The following NAV3 variants were observed in gnomAD, a reference collection of about 807,000 sequenced individuals.
The protein encoded by NAV3 is pore membrane and/or filament interacting like protein 1.
In NAV3, 87 loss-of-function variants were observed where a neutral mutation model predicts 244.7. The observed-to-expected ratio is 0.36, with a 90% confidence interval of 0.30 to 0.42. The LOEUF (loss-of-function observed/expected upper bound fraction) is 0.42. Ranked by LOEUF, NAV3 falls within the 20% of genes least tolerant of loss-of-function variation. The probability of loss-of-function intolerance (pLI) is 1.00; values close to 1 mark genes in which losing one functional copy is unlikely to be tolerated. For synonymous variants in NAV3, 1,126 were observed against 1,042.2 expected (o/e 1.08, Z -1.55); for missense variants, 2,663 against 2,893.3 (o/e 0.92, Z 1.83).
chr12:78,187,464 C>T lies in NAV3; in HGVS notation c.5791-784C>T, dbSNP rs371989544. 2.6e-5 allele frequency among the ~76,000 whole-genome samples: 4 copies of T among 151,772 alleles called. No homozygotes were observed. In the East Asian group the frequency reaches 5.8e-4, roughly 22 times the overall value. On this transcript the variant is annotated intron_variant, in intron 31 of 39. Transcript: ENST00000397909. ...GAATCATAATCACTATTTCGTTAAC[C>T]ATTTCTGGTCATCATAATAGAGGCT...
intron 12 of NAV3, among the ~76,000 whole-genome samples, chr12:78,106,345 A>G (rs1035515100): frequency 6.6e-6 from 1 of 152,228 alleles, no homozygotes; most frequent in Non-Finnish European, 1.5e-5. Flanking sequence ...TTGAACAATA[A>G]AGTATTTAGG....
At chr12:77,891,953 G>A (rs1233600987) in intron 1 of NAV3, among the ~76,000 whole-genome samples, 1 of 152,162 alleles carries the variant, frequency 6.6e-6, no homozygotes, top group African/African-American at 2.4e-5. Flanking sequence ...CACTGGTCTA[G>A]TAGAAGCCTG....
Position 78,095,064 on chromosome 12 carries a change from T to TATACAC in NAV3, c.2637-21707_2637-21706insTACACA, listed in dbSNP as rs1272776469. Among the ~76,000 whole-genome samples the TATACAC allele has an allele frequency of 6.0e-3, 831 of 137,534 alleles. 13 individuals carry two copies. The highest frequency in any genetic ancestry group is 0.02 in the African/African-American group (728 of 36,548). 90.2% of individuals were successfully genotyped at this position (137,534 alleles called of 152,430 possible). On this transcript the variant is annotated intron_variant, in intron 12 of 39. Transcript: ENST00000397909. ...ATCAAATTATATATATATATATATA[T>TATACAC]ACACACACACACACACACACACACA...
At chr12:77,666,830 C>G (rs558047650) in intron 2 of NAV3, among the ~76,000 whole-genome samples, 1 of 152,132 alleles carries the variant, frequency 6.6e-6, no homozygotes, top group South Asian at 2.1e-4. Context: ...TGCTGCTTGT[C>G]GTGTTGGGTA....
At chr12:78,006,000 C>T (rs771251995) in intron 7 of NAV3, among the ~76,000 whole-genome samples, 8 of 152,030 alleles carry the variant, frequency 5.3e-5, no homozygotes, top group Non-Finnish European at 8.8e-5. Context: ...CCTCTGCTTC[C>T]CGAGTTCAAG....
At chr12:77,716,270 A>G (rs1336933901) in intron 2 of NAV3, among the ~76,000 whole-genome samples, 1 of 151,162 alleles carries the variant, frequency 6.6e-6, no homozygotes, top group Non-Finnish European at 1.5e-5. Context: ...CCAGAAAAGT[A>G]ATAGCAAGTT....
intron 35 of NAV3, among the ~76,000 whole-genome samples, chr12:78,198,005 T>G (rs1273315417): frequency 6.6e-6 from 1 of 151,696 alleles, no homozygotes; most frequent in Non-Finnish European, 1.5e-5. Context: ...CTATTTACAA[T>G]AAAAGGAAAG....
chr12:77,996,102 A>C (rs1369610278), intron 6 of NAV3, among the ~76,000 whole-genome samples: 1 of 152,196 alleles, frequency 6.6e-6, no homozygotes, highest in Non-Finnish European at 1.5e-5. Flanking sequence ...TAAAGATTAA[A>C]ATGTATTTTA....
chr12:77,771,247 T>TA (rs1413755106), intron 2 of NAV3, among the ~76,000 whole-genome samples: 7 of 152,170 alleles, frequency 4.6e-5, no homozygotes, highest in African/African-American at 1.7e-4. Flanking sequence ...TGGCGATCAT[T>TA]AAAAAGTCAG....
intron 2 of NAV3, among the ~76,000 whole-genome samples, chr12:77,703,210 CA>C (rs1875639172): frequency 6.6e-6 from 1 of 152,036 alleles, no homozygotes; most frequent in African/African-American, 2.4e-5. Flanking sequence ...CTACTCCTGG[CA>C]AAAGCTGATC....
chr12:77,912,529 C>T (rs934895401), intron 1 of NAV3, among the ~76,000 whole-genome samples: 1 of 152,124 alleles, frequency 6.6e-6, no homozygotes, highest in African/African-American at 2.4e-5. Flanking sequence ...TACATATACA[C>T]ATTTGTCCTA....
chr12:77,854,255 A>G (rs190262880), intron 1 of NAV3, among the ~76,000 whole-genome samples: 13 of 152,308 alleles, frequency 8.5e-5, no homozygotes, highest in Non-Finnish European at 1.5e-5. Context: ...TAGTTTCTAG[A>G]ACTGGAAGGC....
intron 8 of NAV3, among the ~76,000 whole-genome samples, chr12:78,019,469 A>C (rs1353249430): frequency 6.6e-6 from 1 of 152,152 alleles, no homozygotes; most frequent in South Asian, 2.1e-4. Context: ...AATTACATTA[A>C]TCTCATATCA....
chr12:77,899,763 C>T (rs2136896451), intron 1 of NAV3, among the ~76,000 whole-genome samples: 1 of 152,192 alleles, frequency 6.6e-6, no homozygotes, highest in Non-Finnish European at 1.5e-5. Context: ...AGTTTGTATG[C>T]CTTTTTCAAA....
intron 2 of NAV3, among the ~76,000 whole-genome samples, chr12:77,589,073 A>G (rs1238610551): frequency 6.6e-6 from 1 of 152,212 alleles, no homozygotes; most frequent in Non-Finnish European, 1.5e-5. Flanking sequence ...CTCACAGAGG[A>G]TACAGATAAA....
intron 5 of NAV3, among the ~76,000 whole-genome samples, chr12:77,971,441 T>C (rs1247148044): frequency 1.3e-5 from 2 of 152,096 alleles, no homozygotes; most frequent in Non-Finnish European, 2.9e-5. Flanking sequence ...GTTTAAAGGA[T>C]ATGATATTTA....
At chr12:78,136,611 A>G (rs897347517) in intron 18 of NAV3, among the ~76,000 whole-genome samples, 1 of 152,136 alleles carries the variant, frequency 6.6e-6, no homozygotes, top group Non-Finnish European at 1.5e-5. Context: ...TGTATGTTAC[A>G]TTGTGTTTAG....
At chr12:78,076,480 GCAGTTCTTATCACAAAATATA>G (rs1437639990) in intron 12 of NAV3, among the ~76,000 whole-genome samples, 1 of 152,072 alleles carries the variant, frequency 6.6e-6, no homozygotes, top group Admixed American at 6.6e-5. Context: ...AGAATCGAAT[GCAGTTCTTATCACAAAATATA>G]CATGTGATGT....
chr12:77,737,798 T>C (rs1241822205), intron 2 of NAV3, among the ~76,000 whole-genome samples: 1 of 152,250 alleles, frequency 6.6e-6, no homozygotes, highest in African/African-American at 2.4e-5. Context: ...CAGCCACTGT[T>C]GTTCTAGACA....
Sources: gnomAD v4.1 joint callset for allele counts (sites outside exome capture counted in the v4.1 genomes callset) on GRCh38, gnomAD v4.1.1 for gene constraint, MANE v1.5 for transcripts, NCBI Gene and HGNC (gene_info 2026-07-23, HGNC 2026-07-21) for gene names.